Variants in EIF2B3 observed in about 807,000 individuals in gnomAD.
The protein encoded by EIF2B3 is eukaryotic translation initiation factor 2B subunit gamma.
In EIF2B3, 20 loss-of-function variants were observed where a neutral mutation model predicts 54.1. That is an observed-to-expected ratio of 0.37 (90% CI 0.26 to 0.54). The LOEUF is 0.54. EIF2B3 is among the 20% of genes least tolerant of loss of function. The probability of loss-of-function intolerance (pLI) is 0.86; values close to 1 mark genes in which losing one functional copy is unlikely to be tolerated. For synonymous variants in EIF2B3, 153 were observed against 188.1 expected, an observed-to-expected ratio of 0.81 and a Z score of 1.52; for missense variants, 448 against 547.8, an observed-to-expected ratio of 0.82 and a Z score of 1.82.
rs562298820 is a variant in EIF2B3, at chr1:44,885,455, C to T, written c.657-3716G>A. Among the ~76,000 whole-genome samples, 12 of 152,152 alleles carry T rather than the reference C, an allele frequency of 7.9e-5. No individual in the cohort carries two copies. The South Asian group carries it at 1.5e-3, about 18-fold the overall frequency. On this transcript the variant is annotated intron_variant, in intron 6 of 11. Transcript: ENST00000360403. ...ACCGTTACTGTCACATAATGGGAGT[C>T]GGAGTATAAACTGATAAAATCTCTG...
intron 4 of EIF2B3, among the ~76,000 whole-genome samples, chr1:44,927,843 T>G (rs1485421491): frequency 1.3e-5 from 2 of 152,032 alleles, no homozygotes; most frequent in Non-Finnish European, 2.9e-5. Context: ...TATGTATGCA[T>G]TATATATATT....
At chr1:44,859,752 C>T (rs1329548128) in intron 10 of EIF2B3, among the ~76,000 whole-genome samples, 2 of 152,172 alleles carry the variant, frequency 1.3e-5, no homozygotes, top group Non-Finnish European at 2.9e-5. Context: ...TAAATACTCT[C>T]TGTACATTAT....
chr1:44,871,391 T>C (rs2148899645), intron 10 of EIF2B3, among the ~76,000 whole-genome samples: 2 of 152,326 alleles, frequency 1.3e-5, no homozygotes, highest in African/African-American at 4.8e-5. Flanking sequence ...CCAAATAATC[T>C]TCCTGAAATG....
intron 11 of EIF2B3, among the ~76,000 whole-genome samples, chr1:44,852,007 GGC>G (rs1041153705): frequency 2.0e-5 from 3 of 151,180 alleles, no homozygotes; most frequent in African/African-American, 7.3e-5. Flanking sequence ...GGAGTGCAGT[GGC>G]GCAATCTTGG....
At chr1:44,978,842 G>T (rs1644482557) in intron 2 of EIF2B3, among the ~76,000 whole-genome samples, 1 of 151,108 alleles carries the variant, frequency 6.6e-6, no homozygotes, top group African/African-American at 2.4e-5. Context: ...TCGCTCTGTT[G>T]CCCAGGCTGG....
At chr1:44,913,994 T>G (rs1643570487) in intron 5 of EIF2B3, among the ~76,000 whole-genome samples, 2 of 144,552 alleles carry the variant, frequency 1.4e-5, no homozygotes, top group African/African-American at 5.2e-5. Flanking sequence ...GCCCAGGTAA[T>G]TTTTTCAAAA....
intron 8 of EIF2B3, 81 bp downstream of exon 8, chr1:44,879,737 T>C (rs1471910925): frequency 1.3e-5 from 19 of 1,475,952 alleles, no homozygotes; most frequent in Middle Eastern, 2.4e-4. Context: ...CAAGTTACTA[T>C]GTACCTAATG....
intron 7 of EIF2B3, 96 bp from the exon 8 acceptor site, chr1:44,880,104 C>G (rs529530961): frequency 7.4e-7 from 1 of 1,349,264 alleles, no homozygotes; most frequent in Non-Finnish European, 1.0e-6. Flanking sequence ...ATTTAAGAGA[C>G]GAGGTCTTGC....
chr1:44,909,541 C>A (rs1049115703), intron 5 of EIF2B3, among the ~76,000 whole-genome samples: 7 of 152,084 alleles, frequency 4.6e-5, no homozygotes, highest in African/African-American at 1.4e-4. Flanking sequence ...CAGCTTTTAC[C>A]CACCCAGGCA....
At chr1:44,953,138 G>T (rs1569828019) in intron 3 of EIF2B3, among the ~76,000 whole-genome samples, 1 of 135,254 alleles carries the variant, frequency 7.4e-6, no homozygotes, top group Non-Finnish European at 1.5e-5. Flanking sequence ...AACCCAACTT[G>T]CCTCCATAAG....
intron 11 of EIF2B3, among the ~76,000 whole-genome samples, chr1:44,853,572 A>C (rs1452763151): frequency 1.3e-5 from 2 of 152,166 alleles, no homozygotes; most frequent in Non-Finnish European, 2.9e-5. Context: ...TGCCACCTAC[A>C]CTTCAGCCTG....
chr1:44,967,002 G>C (rs990727922), intron 3 of EIF2B3, among the ~76,000 whole-genome samples: 10 of 151,814 alleles, frequency 6.6e-5, no homozygotes, highest in African/African-American at 9.7e-5. Flanking sequence ...TTTTAGTAGA[G>C]ATGGGGTTTC....
chr1:44,978,559 T>C (rs1030520491), intron 2 of EIF2B3, 99 bp from the exon 3 acceptor site: 189 of 1,061,654 alleles, frequency 1.8e-4, no homozygotes, highest in Non-Finnish European at 2.6e-4. Flanking sequence ...CTAGGTGTAA[T>C]AACAACTGCT....
chr1:44,880,540 G>A (rs114844126), intron 7 of EIF2B3, among the ~76,000 whole-genome samples: 1,888 of 152,274 alleles, frequency 0.012, 41 homozygotes, highest in African/African-American at 0.043. Flanking sequence ...GCTGTGCTAT[G>A]ACAGAAAGTA....
intron 3 of EIF2B3, among the ~76,000 whole-genome samples, chr1:44,967,013 A>C (rs1644349048): frequency 6.6e-6 from 1 of 151,516 alleles, no homozygotes; most frequent in Non-Finnish European, 1.5e-5. Context: ...ATGGGGTTTC[A>C]CCATGTTGGC....
intron 6 of EIF2B3, among the ~76,000 whole-genome samples, chr1:44,897,090 T>C (rs1315199019): frequency 6.6e-6 from 1 of 152,194 alleles, no homozygotes; most frequent in Non-Finnish European, 1.5e-5. Context: ...AGAGGCATCA[T>C]GGGTTACCGT....
At position 44,978,621 on chromosome 1, in the gene EIF2B3, C is replaced by CTTTTTTTTTTTTT. The variant is rs57964686; in HGVS notation, c.149-174_149-162dup. On this transcript the variant is annotated intron_variant, in intron 2 of 11. Transcript: ENST00000360403. The stretch of plus-strand genomic sequence containing the variant: ...TTTACCTGCATTCCCCCAATAAATT[C>CTTTTTTTTTTTTT]TTTTTTTTTTTTTTTTTTTTTTTTT... Among the ~76,000 whole-genome samples the CTTTTTTTTTTTTT allele has an allele frequency of 5.2e-5, 4 of 76,640 alleles. 1 individual carries two copies. Among genetic ancestry groups the CTTTTTTTTTTTTT allele is most frequent in the African/African-American group, 2.6e-4 (4 of 15,320 alleles). The allele number at this position is 76,640 out of a possible 152,430, so 50.3% of individuals were successfully genotyped here.
At chr1:44,948,901 G>A (rs1261868679) in intron 3 of EIF2B3, among the ~76,000 whole-genome samples, 1 of 151,412 alleles carries the variant, frequency 6.6e-6, no homozygotes, top group African/African-American at 2.4e-5. Context: ...TATTGCCCAG[G>A]CTATTGCCCA....
At chr1:44,979,468 C>G (rs12070596) in intron 2 of EIF2B3, among the ~76,000 whole-genome samples, 1 of 130,978 alleles carries the variant, frequency 7.6e-6, no homozygotes, top group Non-Finnish European at 1.6e-5. Flanking sequence ...GAAACCCTGT[C>G]TCTGCCAAAA....
Sources: gnomAD v4.1 joint callset for allele counts (sites outside exome capture counted in the v4.1 genomes callset) on GRCh38, gnomAD v4.1.1 for gene constraint, MANE v1.5 for transcripts, NCBI Gene and HGNC (gene_info 2026-07-23, HGNC 2026-07-21) for gene names.